SLC16A2: variants seen among roughly 807,000 people sequenced by gnomAD.
The protein encoded by SLC16A2 is solute carrier family 16 member 2.
In SLC16A2, 3 loss-of-function variants were observed where a neutral mutation model predicts 27.2. The ratio of observed to expected loss-of-function variants is 0.11; its 90% CI spans 0.05 to 0.28. The LOEUF is 0.28. Among genes scored for constraint, SLC16A2 ranks in the 10% least tolerant of loss-of-function variants. The pLI, the probability that SLC16A2 is intolerant of heterozygous loss-of-function variation, is 1.00. For synonymous variants in SLC16A2, 202 were observed against 187.8 expected (o/e 1.08, Z -0.62); for missense variants, 295 against 458.5 (o/e 0.64, Z 3.26).
intron 1 of SLC16A2, among the ~76,000 whole-genome samples, chrX:74,456,071 G>A (rs938023395): frequency 2.7e-5 from 3 of 111,788 alleles, no homozygotes; most frequent in Admixed American, 9.6e-5. Context: ...GTTGTTGCAC[G>A]AATAAATTAT....
intron 2 of SLC16A2, among the ~76,000 whole-genome samples, chrX:74,521,643 G>A (rs1025007428): frequency 8.9e-6 from 1 of 112,242 alleles, no homozygotes; most frequent in Non-Finnish European, 1.9e-5. Flanking sequence ...GATTCCCAAA[G>A]GAATCTTATG....
In SLC16A2 at chrX:74,429,205, A is replaced by G. The variant is rs192098704; in HGVS notation, c.430+7138A>G. Among the ~76,000 whole-genome samples, 148 of 111,610 alleles carry G rather than the reference A, an allele frequency of 1.3e-3. 1 individual carries two copies. Among genetic ancestry groups the G allele is most frequent in the African/African-American group, 4.5e-3 (139 of 30,770 alleles). On this transcript the variant is annotated intron_variant, in intron 1 of 5. Transcript: ENST00000587091. ...AAAATAGGCCAGGCCCAGTGGCTCA[A>G]GCCTGTAATCCCAGCATTTTGGGAG...
chrX:74,483,968 T>A (rs1421198554), intron 1 of SLC16A2, among the ~76,000 whole-genome samples: 2 of 110,977 alleles, frequency 1.8e-5, no homozygotes, highest in Non-Finnish European at 3.8e-5. Flanking sequence ...GGATGAGAGA[T>A]TCCAGTAGAC....
At chrX:74,494,563 T>C (rs1427724237) in intron 1 of SLC16A2, among the ~76,000 whole-genome samples, 2 of 111,810 alleles carry the variant, frequency 1.8e-5, no homozygotes, top group African/African-American at 6.5e-5. Context: ...GTTCATGTTA[T>C]GGTGTTTTTT....
chrX:74,479,869 C>T, intron 1 of SLC16A2, among the ~76,000 whole-genome samples: 1 of 111,723 alleles, frequency 9.0e-6, no homozygotes, highest in South Asian at 3.8e-4. Flanking sequence ...GAGTACCCAG[C>T]CGTGTGAGTT....
intron 1 of SLC16A2, among the ~76,000 whole-genome samples, chrX:74,487,034 A>G (rs1481667722): frequency 2.7e-5 from 3 of 112,052 alleles, no homozygotes; most frequent in Non-Finnish European, 5.6e-5. Context: ...AACATCTTAA[A>G]TTTTATAATT....
At chrX:74,474,604 T>C (rs1389406952) in intron 1 of SLC16A2, among the ~76,000 whole-genome samples, 5 of 110,408 alleles carry the variant, frequency 4.5e-5, no homozygotes, top group Admixed American at 2.9e-4. Context: ...ACATTAGGTA[T>C]ATCTCCTAAT....
chrX:74,467,265 G>A (rs760023930), intron 1 of SLC16A2, among the ~76,000 whole-genome samples: 6 of 111,912 alleles, frequency 5.4e-5, no homozygotes, highest in Non-Finnish European at 1.1e-4. Flanking sequence ...AGACCCAGAA[G>A]AGTAAGAAAC....
chrX:74,524,441 C>T lies in SLC16A2; in HGVS notation c.658C>T (p.Leu220=). The change falls in exon 3 of 6, where the codon CTG becomes TTG. Residue 220 remains leucine, a synonymous_variant. Coordinates refer to ENST00000587091, the MANE Select transcript of SLC16A2 (RefSeq NM_006517.5). The stretch of plus-strand genomic sequence containing the variant: ...CGCCTTTCAGCCATCCCTCGTCATC[C>T]TGGGCCACTACTTTCAACGCCGCCT... ...SFAFQPSLVI[L]GHYFQRRLGL... is the part of the protein sequence containing the mutation. 8.3e-7 allele frequency: 1 copy of T among 1,211,940 alleles called. No homozygotes were observed. The highest frequency in any genetic ancestry group is 1.1e-6 in the Non-Finnish European group (1 of 895,578).
chrX:74,459,310 T>C (rs1460447277), intron 1 of SLC16A2, among the ~76,000 whole-genome samples: 1 of 38,096 alleles, frequency 2.6e-5, no homozygotes, highest in Non-Finnish European at 5.4e-5. Flanking sequence ...AAGAAGAGGC[T>C]GAGGCCAGTG....
intron 1 of SLC16A2, among the ~76,000 whole-genome samples, chrX:74,518,047 A>G (rs1268555329): frequency 8.9e-6 from 1 of 112,211 alleles, no homozygotes; most frequent in Admixed American, 9.5e-5. Context: ...GGTTGTTTCC[A>G]GATTTGCACA....
At chrX:74,508,957 T>G (rs1220803119) in intron 1 of SLC16A2, among the ~76,000 whole-genome samples, 1 of 104,651 alleles carries the variant, frequency 9.6e-6, no homozygotes, top group Non-Finnish European at 2.0e-5. Flanking sequence ...TTTGTATCCT[T>G]TTTGTTTGTT....
intron 1 of SLC16A2, among the ~76,000 whole-genome samples, chrX:74,437,864 C>T (rs767202815): frequency 1.8e-5 from 2 of 111,790 alleles, no homozygotes; most frequent in Non-Finnish European, 3.8e-5. Flanking sequence ...CATCACACAC[C>T]TATGGGCTCC....
chrX:74,498,904 G>A (rs1929981477), intron 1 of SLC16A2, among the ~76,000 whole-genome samples: 1 of 111,376 alleles, frequency 9.0e-6, no homozygotes, highest in African/African-American at 3.3e-5. Flanking sequence ...TTTGCTTTTG[G>A]CTACTGGCCC....
intron 1 of SLC16A2, among the ~76,000 whole-genome samples, chrX:74,470,378 GTTT>G (rs1050500357): frequency 4.5e-5 from 5 of 112,160 alleles, no homozygotes; most frequent in Non-Finnish European, 9.4e-5. Flanking sequence ...AGCATGTTTA[GTTT>G]TATAAGAAAC....
At chrX:74,508,588 T>G (rs1421607605) in intron 1 of SLC16A2, among the ~76,000 whole-genome samples, 1 of 112,411 alleles carries the variant, frequency 8.9e-6, no homozygotes, top group Non-Finnish European at 1.9e-5. Context: ...GTAGCTTTTT[T>G]TGTAGAGTCC....
At chrX:74,439,158 C>CTCTT (rs765500073) in intron 1 of SLC16A2, among the ~76,000 whole-genome samples, 1,250 of 62,196 alleles carry the variant, frequency 0.02, 41 homozygotes, top group African/African-American at 0.046. Flanking sequence ...GCTTGCTCAA[C>CTCTT]TCTTTCTTTC....
intron 1 of SLC16A2, among the ~76,000 whole-genome samples, chrX:74,488,630 T>C (rs769812124): frequency 8.9e-5 from 10 of 111,796 alleles, no homozygotes; most frequent in Non-Finnish European, 1.7e-4. Context: ...AATTCCTTTT[T>C]ACTAACATTA....
At chrX:74,423,826 G>A (rs1331432406) in intron 1 of SLC16A2, among the ~76,000 whole-genome samples, 1 of 111,721 alleles carries the variant, frequency 9.0e-6, no homozygotes, top group Non-Finnish European at 1.9e-5. Flanking sequence ...CAGGCTGTTG[G>A]CCTTCAGGAT....
Sources: allele counts gnomAD v4.1 joint callset (sites outside exome capture counted in the v4.1 genomes callset), GRCh38; gene constraint gnomAD v4.1.1; transcripts MANE v1.5; gene names NCBI Gene and HGNC (gene_info 2026-07-23, HGNC 2026-07-21).